ALMS1: variants seen among roughly 807,000 people sequenced by gnomAD.
ALMS1 encodes centrosome-associated protein ALMS1.
Under a neutral mutation model 352.2 loss-of-function variants are expected in ALMS1, and 271 were observed. That is an observed-to-expected ratio of 0.77 (90% CI 0.70 to 0.85). The LOEUF (loss-of-function observed/expected upper bound fraction) is 0.85, where lower values mean the gene tolerates loss of function less well. Ranked by LOEUF, ALMS1 falls within the 40% of genes least tolerant of loss-of-function variation. ALMS1 has a pLI of 0.00. For missense variants in ALMS1, 5,445 were observed against 4,870.7 expected (o/e 1.12, Z -3.51); for synonymous variants, 1,865 against 1,761.2 (o/e 1.06, Z -1.48).
At chr2:73,577,923 A>G (rs989925006) in intron 16 of ALMS1, among the ~76,000 whole-genome samples, 1 of 152,040 alleles carries the variant, frequency 6.6e-6, no homozygotes, top group Non-Finnish European at 1.5e-5. Context: ...CAAGTCCTCT[A>G]TTTCCTTATC....
At chr2:73,512,391 AT>A (rs1306844704) in intron 10 of ALMS1, among the ~76,000 whole-genome samples, 7,499 of 144,000 alleles carry the variant, frequency 0.052, 420 homozygotes, top group Admixed American at 0.13. Context: ...CCACTGTCAG[AT>A]TTTTTTTTTT....
intron 12 of ALMS1, among the ~76,000 whole-genome samples, chr2:73,545,379 C>G (rs1674292230): frequency 7.2e-5 from 11 of 152,006 alleles, no homozygotes. Flanking sequence ...TGGGGTTTCA[C>G]CATGTTGGCC....
chr2:73,560,651 C>G (rs886726741), intron 15 of ALMS1, among the ~76,000 whole-genome samples: 1 of 152,080 alleles, frequency 6.6e-6, no homozygotes, highest in African/African-American at 2.4e-5. Flanking sequence ...ACCCACATGT[C>G]CATCAACAGA....
At chr2:73,528,491 T>C (rs1044426585) in intron 11 of ALMS1, among the ~76,000 whole-genome samples, 16 of 152,242 alleles carry the variant, frequency 1.1e-4, no homozygotes, top group Admixed American at 2.0e-4. Flanking sequence ...TTTGTCTGTT[T>C]TTATAATTTT....
intron 1 of ALMS1, among the ~76,000 whole-genome samples, chr2:73,391,559 C>G (rs2103631975): frequency 6.6e-6 from 1 of 152,294 alleles, no homozygotes; most frequent in East Asian, 1.9e-4. Context: ...TCCCAAAGTG[C>G]TGGGATTACA....
chr2:73,433,625 T>C (rs1295405962), intron 7 of ALMS1, among the ~76,000 whole-genome samples: 6 of 152,100 alleles, frequency 3.9e-5, no homozygotes, highest in South Asian at 4.1e-4. Context: ...TCAGGTACAG[T>C]GTCTTATGCT....
rs775398062 is a variant in ALMS1, at chr2:73,601,278, T to A, written c.11956T>A (p.Ser3986Thr). 1 of 1,614,186 alleles carries A rather than the reference T, an allele frequency of 6.2e-7. No homozygotes were observed. The change falls in exon 19 of 23, where the codon TCC (serine) becomes ACC (threonine). Residue 3986 changes from serine (S) to threonine (T), a missense_variant. Ser to Thr is a moderately conservative substitution (Grantham distance 58, BLOSUM62 1). Coordinates refer to ENST00000613296, the MANE Select transcript of ALMS1 (RefSeq NM_001378454.1). ...GCCTAACACTTGTGGCCCTGGCATC[T>A]CCTGGTTTGAACCAATAACCAAGAC... ...NVPNTCGPGI[S>T]WFEPITKTRP...
intron 7 of ALMS1, among the ~76,000 whole-genome samples, chr2:73,437,251 G>A (rs909106883): frequency 1.3e-5 from 2 of 152,150 alleles, no homozygotes; most frequent in African/African-American, 4.8e-5. Context: ...CTGTATCTGG[G>A]GGCAGGTTCA....
At chr2:73,427,134 G>A (rs1187425917) in intron 6 of ALMS1, among the ~76,000 whole-genome samples, 1 of 152,118 alleles carries the variant, frequency 6.6e-6, no homozygotes. Context: ...TTAAGATTAG[G>A]CTTATTCATG....
At chr2:73,541,944 G>A (rs531428997) in intron 12 of ALMS1, among the ~76,000 whole-genome samples, 11 of 152,218 alleles carry the variant, frequency 7.2e-5, no homozygotes, top group African/African-American at 2.7e-4. Context: ...GAGGTACAAG[G>A]AGGAGCTGGT....
chr2:73,542,473 T>C (rs1339617369), intron 12 of ALMS1, among the ~76,000 whole-genome samples: 2 of 152,162 alleles, frequency 1.3e-5, no homozygotes, highest in Non-Finnish European at 2.9e-5. Flanking sequence ...ATGCCCTCTC[T>C]CACCACTCCT....
In ALMS1 at chr2:73,491,481, C is replaced by T. The variant is rs1419983457; in HGVS notation, c.9522C>T (p.Thr3174=). Residue 3174 remains threonine, a synonymous_variant, in exon 10 of 23, where the codon ACC becomes ACT. Transcript: ENST00000613296. ...AAGGACATTCCAATCCAGAGGGGAC[C>T]CCAGTATTTGCAGATCGGTGAGTCT... ...DFEGHSNPEG[T]PVFADRLPEK... 2 of 1,613,966 alleles carry T rather than the reference C, an allele frequency of 1.2e-6. No homozygotes were observed. Among genetic ancestry groups the T allele is most frequent in the South Asian group, 1.1e-5 (1 of 91,070 alleles).
In ALMS1 at chr2:73,601,132, G is replaced by A. The variant is rs570052285; in HGVS notation, c.11873-63G>A. The A allele has an allele frequency of 2.6e-4, 421 of 1,610,696 alleles. 4 individuals carry two copies. The South Asian group carries it at 4.1e-3, about 16-fold the overall frequency. ...TGTATTATATGCATATCCTGGATAAGAGCTGGGTGGGGCTGTAAAAAAGTG... is the reference window on the plus strand; with the variant it reads ...TGTATTATATGCATATCCTGGATAAAAGCTGGGTGGGGCTGTAAAAAAGTG... On this transcript the variant is annotated intron_variant, in intron 18 of 22. Transcript: ENST00000613296.
chr2:73,448,901 G>T lies in ALMS1; in HGVS notation c.2374G>T (p.Ala792Ser). 1 of 1,614,072 alleles carries T rather than the reference G, an allele frequency of 6.2e-7. No individual in the cohort carries two copies. Among genetic ancestry groups the T allele is most frequent in the Non-Finnish European group, 8.5e-7 (1 of 1,179,986 alleles). Residue 792 changes from alanine (A) to serine (S), a missense_variant, in exon 8 of 23, where the codon GCT (alanine) becomes TCT (serine). By Grantham distance (99) the Ala-to-Ser change is moderately conservative. Coordinates refer to ENST00000613296, the MANE Select transcript of ALMS1 (RefSeq NM_001378454.1). The stretch of plus-strand genomic sequence containing the variant: ...ACCTGAAGAGGGTCTGAAAGTTTCA[G>T]CTGTTGCTGGACCAGCTGACCAGAA... Reference protein sequence around the residue: ...HLPEEGLKVSAVAGPADQKTG... With the variant: ...HLPEEGLKVSSVAGPADQKTG...
intron 9 of ALMS1, among the ~76,000 whole-genome samples, chr2:73,485,138 G>A (rs1473730028): frequency 6.6e-6 from 1 of 152,238 alleles, no homozygotes; most frequent in Non-Finnish European, 1.5e-5. Flanking sequence ...TCCTTTGGAG[G>A]AGGAGAGGTG....
intron 6 of ALMS1, among the ~76,000 whole-genome samples, chr2:73,431,457 A>G (rs755187915): frequency 1.3e-5 from 2 of 152,202 alleles, no homozygotes; most frequent in African/African-American, 2.4e-5. Flanking sequence ...TAAAAATGAT[A>G]TATATTTTTA....
chr2:73,593,291 A>C (rs1393248841), intron 16 of ALMS1, among the ~76,000 whole-genome samples: 1 of 151,812 alleles, frequency 6.6e-6, no homozygotes, highest in Non-Finnish European at 1.5e-5. Context: ...GAATCCGTGG[A>C]TGGATTCAAC....
chr2:73,454,183 A>C, intron 8 of ALMS1, 116 bp downstream of exon 8: 1 of 1,489,750 alleles, frequency 6.7e-7, no homozygotes, highest in South Asian at 1.3e-5. Context: ...TCAAGAAAAA[A>C]AATGAAGTTA....
Position 73,519,792 on chromosome 2 carries a change from A to AGACCCCACTT in ALMS1, c.9558_9567dup (p.Ser3190AspfsTer8). On this transcript the variant is annotated frameshift_variant, in exon 11 of 23. Transcript: ENST00000613296. LOFTEE classifies it high-confidence loss of function. Reference sequence around the variant, plus strand: ...TTGGTCAGATTACCAGAGAAGATGAAGACCCCACTTTCTGCTTTCTCTGAA... The same window carrying AGACCCCACTT: ...TTGGTCAGATTACCAGAGAAGATGAAGACCCCACTTGACCCCACTTTCTGCTTTCTCTGAA... 1 of 1,614,074 alleles carries AGACCCCACTT rather than the reference A, an allele frequency of 6.2e-7. No individual in the cohort carries two copies. The highest frequency in any genetic ancestry group is 1.1e-5 in the South Asian group (1 of 91,076).
Sources: allele counts gnomAD v4.1 joint callset (sites outside exome capture counted in the v4.1 genomes callset), GRCh38; gene constraint gnomAD v4.1.1; transcripts MANE v1.5; gene names NCBI Gene and HGNC (gene_info 2026-07-23, HGNC 2026-07-21).